SLC51A: variants seen among roughly 807,000 people sequenced by gnomAD.
SLC51A encodes organic solute transporter subunit alpha.
SLC51A carries 22 observed loss-of-function variants against 34.8 expected under a neutral mutation model. The observed-to-expected ratio is 0.63, with a 90% confidence interval of 0.45 to 0.90. SLC51A has a LOEUF of 0.90. SLC51A is among the 40% of genes least tolerant of loss of function. SLC51A has a pLI of 0.00. For synonymous variants in SLC51A, 181 were observed against 176.3 expected (o/e 1.03, Z -0.21); for missense variants, 371 against 414.8 (o/e 0.89, Z 0.92).
At position 196,216,604 on chromosome 3, in the gene SLC51A, GCC is replaced by G. The variant is rs1289008400; in HGVS notation, c.-104_-103del. 2 of 1,104,072 alleles carry G rather than the reference GCC, an allele frequency of 1.8e-6. No homozygotes were observed. Among genetic ancestry groups the G allele is most frequent in the Admixed American group, 2.0e-5 (1 of 50,084 alleles). 68.4% of individuals were successfully genotyped at this position (1,104,072 alleles called of 1,614,324 possible). On this transcript the variant is annotated 5_prime_UTR_variant, in exon 1 of 9. Coordinates refer to ENST00000296327, the MANE Select transcript of SLC51A (RefSeq NM_152672.6). This position sits in a 1 kb window ranked among gnomAD's most constrained non-coding sequence, Gnocchi z 4.5. ...AGGGGAAGACTCTGCAATTCTGCTT[GCC>G]CCCCACCCCGGCCCAGGCAAGCCAC...
chr3:196,228,198 G>C lies in SLC51A; in HGVS notation c.446G>C (p.Arg149Thr). The C allele has an allele frequency of 6.2e-7, 1 of 1,614,070 alleles. No individual in the cohort carries two copies. The highest frequency in any genetic ancestry group is 8.5e-7 in the Non-Finnish European group (1 of 1,180,030). Residue 149 changes from arginine (R) to threonine (T), a missense_variant, in exon 5 of 9, where the codon AGG (arginine) becomes ACG (threonine). Coordinates refer to ENST00000296327, the MANE Select transcript of SLC51A (RefSeq NM_152672.6). This position sits in a 1 kb window ranked among gnomAD's most constrained non-coding sequence, Gnocchi z 4.9. ...GGKEAVLRTLRDTPMMVHTGP... is the reference protein window; with the variant it reads ...GGKEAVLRTLTDTPMMVHTGP... ...AAGGAGGCAGTGCTGAGGACGCTGA[G>C]GGACACCCCGATGATGGTCCACACA...
Position 196,218,679 on chromosome 3 carries a change from CT to C in SLC51A, c.133+744del, listed in dbSNP as rs1723659552. ...GAAATTTTACCTTTGCGTTTTGTCG[CT>C]CTGTTTCCTGAAGATAACTTGGGGT... On this transcript the variant is annotated intron_variant, in intron 2 of 8. Transcript: ENST00000296327. 2.0e-5 allele frequency among the ~76,000 whole-genome samples: 3 copies of C among 152,302 alleles called. No individual in the cohort carries two copies. In the South Asian group the frequency reaches 6.2e-4, roughly 32 times the overall value.
At chr3:196,227,629 T>G in intron 3 of SLC51A, 35 bp from the exon 4 acceptor site, 1 of 1,605,502 alleles carries the variant, frequency 6.2e-7, no homozygotes, top group Non-Finnish European at 8.5e-7. Flanking sequence ...AGGGTCTCCC[T>G]CCCGCCCTCA....
intron 8 of SLC51A, 133 bp from the exon 9 acceptor site, chr3:196,232,930 A>G: frequency 1.1e-6 from 1 of 922,776 alleles, no homozygotes; most frequent in South Asian, 1.6e-5. Flanking sequence ...ATTTATGACA[A>G]TTTCGTATCC....
In SLC51A at chr3:196,228,625, G is replaced by T; in HGVS notation, c.522-184G>T. On this transcript the variant is annotated intron_variant, in intron 5 of 8. Coordinates refer to ENST00000296327, the MANE Select transcript of SLC51A (RefSeq NM_152672.6). This position sits in a 1 kb window ranked among gnomAD's most constrained non-coding sequence, Gnocchi z 4.9. ...CGGAATTCTTGTCTGGAGGTGAGTG[G>T]GAGACCAAGAGGGTTCCCAGCACTC... 1 of 618,154 alleles carries T rather than the reference G, an allele frequency of 1.6e-6. No individual in the cohort carries two copies. The highest frequency in any genetic ancestry group is 2.9e-6 in the Non-Finnish European group (1 of 346,702). The allele number at this position is 618,154 out of a possible 1,614,324, so 38.3% of individuals were successfully genotyped here.
chr3:196,216,751 G>C lies in SLC51A; in HGVS notation c.38+1G>C. 6.3e-7 allele frequency: 1 copy of C among 1,575,354 alleles called. No homozygotes were observed. Among genetic ancestry groups the C allele is most frequent in the Non-Finnish European group, 8.6e-7 (1 of 1,160,236 alleles). On this transcript the variant is annotated splice_donor_variant, in intron 1 of 8. Transcript: ENST00000296327. LOFTEE classifies it high-confidence loss of function. This position sits in a 1 kb window ranked among gnomAD's most constrained non-coding sequence, Gnocchi z 4.5. ...GGACCCAGATAAAGCTTGACCCCAG[G>C]TAAGTGAGGGCGGCGGGCCCTGGGC...
Position 196,228,690 on chromosome 3 carries a change from C to T in SLC51A, c.522-119C>T, listed in dbSNP as rs1046264810. 1 of 812,290 alleles carries T rather than the reference C, an allele frequency of 1.2e-6. No homozygotes were observed. The highest frequency in any genetic ancestry group is 2.0e-5 in the Admixed American group (1 of 50,788). The allele number at this position is 812,290 out of a possible 1,614,324, so 50.3% of individuals were successfully genotyped here. ...TTTTCCTCTGTCCCCATCCACTTAA[C>T]CTGGTTGGTGTTTATGACAGCAGCC... On this transcript the variant is annotated intron_variant, in intron 5 of 8. Coordinates refer to ENST00000296327, the MANE Select transcript of SLC51A (RefSeq NM_152672.6). This position sits in a 1 kb window ranked among gnomAD's most constrained non-coding sequence, Gnocchi z 4.9.
chr3:196,218,211 C>T lies in SLC51A; in HGVS notation c.133+275C>T, dbSNP rs542100316. Among the ~76,000 whole-genome samples the T allele has an allele frequency of 3.9e-5, 6 of 152,310 alleles. No individual in the cohort carries two copies. In the South Asian group the frequency reaches 1.0e-3, roughly 26 times the overall value. Reference sequence around the variant, plus strand: ...AAGCTCATTCAAACTGCGGACACTGCGACCTGGGGCGCTTTTTCAGACCCC... The same window carrying T: ...AAGCTCATTCAAACTGCGGACACTGTGACCTGGGGCGCTTTTTCAGACCCC... On this transcript the variant is annotated intron_variant, in intron 2 of 8. Coordinates refer to ENST00000296327, the MANE Select transcript of SLC51A (RefSeq NM_152672.6).
chr3:196,230,631 T>C (rs928108907), intron 7 of SLC51A, among the ~76,000 whole-genome samples: 1 of 152,010 alleles, frequency 6.6e-6, no homozygotes, highest in Non-Finnish European at 1.5e-5. Flanking sequence ...ATTACAGGCA[T>C]GTACCACCAC....
intron 2 of SLC51A, among the ~76,000 whole-genome samples, chr3:196,222,108 ATT>A (rs1723773809): frequency 6.6e-6 from 1 of 152,280 alleles, no homozygotes; most frequent in African/African-American, 2.4e-5. Flanking sequence ...CATGGAAATA[ATT>A]TTTGGTTAGA....
intron 7 of SLC51A, among the ~76,000 whole-genome samples, chr3:196,230,730 C>T (rs1405812267): frequency 6.6e-6 from 1 of 152,146 alleles, no homozygotes; most frequent in African/African-American, 2.4e-5. Context: ...GTGATCCACC[C>T]GCCTCAGCCT....
At chr3:196,221,940 G>A (rs1476960896) in intron 2 of SLC51A, among the ~76,000 whole-genome samples, 2 of 150,580 alleles carry the variant, frequency 1.3e-5, no homozygotes, top group East Asian at 2.0e-4. Flanking sequence ...GGATGGTCTC[G>A]ATCTCCTGAC....
chr3:196,230,025 T>G lies in SLC51A; in HGVS notation c.744T>G (p.Gly248=). 1.2e-6 allele frequency: 2 copies of G among 1,613,726 alleles called. No individual in the cohort carries two copies. The highest frequency in any genetic ancestry group is 1.7e-6 in the Non-Finnish European group (2 of 1,179,816). Residue 248 remains glycine, a synonymous_variant, in exon 7 of 9, where the codon GGT becomes GGG. Coordinates refer to ENST00000296327, the MANE Select transcript of SLC51A (RefSeq NM_152672.6). ...IISRQARLHL[G]EQNMGAKFAL... is the part of the protein sequence containing the mutation. ...CCCGTCAAGCCAGGCTACACCTGGG[T>G]GAGCAGAACATGGGAGCCAAATTTG...
In SLC51A at chr3:196,216,554, G is replaced by A. The variant is rs1577341503; in HGVS notation, c.-159G>A. The A allele has an allele frequency of 5.2e-6, 4 of 769,496 alleles. No homozygotes were observed. The highest frequency in any genetic ancestry group is 1.5e-5 in the South Asian group (1 of 67,312). 47.7% of individuals were successfully genotyped at this position (769,496 alleles called of 1,614,324 possible). ...ACTCTGAGATAGAAAGTTGGCCCGG[G>A]AAGCTCAAGGAGGGAGAGCGGCAGA... On this transcript the variant is annotated 5_prime_UTR_variant, in exon 1 of 9. Transcript: ENST00000296327. This position sits in a 1 kb window ranked among gnomAD's most constrained non-coding sequence, Gnocchi z 4.5.
At chr3:196,232,290 G>A in intron 7 of SLC51A, 129 bp from the exon 8 acceptor site, 1 of 652,786 alleles carries the variant, frequency 1.5e-6, no homozygotes, top group Non-Finnish European at 2.8e-6. Flanking sequence ...TCAACCCTCT[G>A]TGACTGCACA....
At chr3:196,232,965 T>C (rs771401412) in intron 8 of SLC51A, 98 bp from the exon 9 acceptor site, 138 of 1,228,434 alleles carry the variant, frequency 1.1e-4, no homozygotes, top group Non-Finnish European at 1.5e-4. Context: ...GGGGATAAAC[T>C]GGAGAAAGTG....
Position 196,216,648 on chromosome 3 carries a change from A to T in SLC51A, c.-65A>T. 1 of 1,203,762 alleles carries T rather than the reference A, an allele frequency of 8.3e-7. No homozygotes were observed. Among genetic ancestry groups the T allele is most frequent in the Non-Finnish European group, 1.2e-6 (1 of 865,292 alleles). 74.6% of individuals were successfully genotyped at this position (1,203,762 alleles called of 1,614,324 possible). ...GCAAGCCACCCTGCCCCCGGCCCCC[A>T]CCTGCCCGCCCCGCCTGCCCTTCCT... On this transcript the variant is annotated 5_prime_UTR_variant, in exon 1 of 9. Transcript: ENST00000296327. This position sits in a 1 kb window ranked among gnomAD's most constrained non-coding sequence, Gnocchi z 4.5.
At chr3:196,227,517 C>T (rs895855017) in intron 3 of SLC51A, 147 bp from the exon 4 acceptor site, 6 of 699,206 alleles carry the variant, frequency 8.6e-6, no homozygotes, top group Non-Finnish European at 1.5e-5. Flanking sequence ...GTTTGCTTGA[C>T]TTAATTAGTG....
intron 2 of SLC51A, among the ~76,000 whole-genome samples, chr3:196,218,557 T>G (rs1560150469): frequency 6.6e-6 from 1 of 152,248 alleles, no homozygotes. Flanking sequence ...TGGAGTAATT[T>G]GTTTGCAATA....
Sources: allele counts gnomAD v4.1 joint callset (sites outside exome capture counted in the v4.1 genomes callset), GRCh38; gene constraint gnomAD v4.1.1; non-coding constraint Gnocchi (gnomAD v3.1); transcripts MANE v1.5; gene names NCBI Gene and HGNC (gene_info 2026-07-23, HGNC 2026-07-21).